The following ZNF667 variants were observed in gnomAD, a reference collection of about 807,000 sequenced individuals.
ZNF667 encodes zinc finger protein 667.
In ZNF667, 13 loss-of-function variants were observed where a neutral mutation model predicts 31.8. The observed-to-expected ratio is 0.41, with a 90% CI of 0.27 to 0.65. The LOEUF (loss-of-function observed/expected upper bound fraction) is 0.65. ZNF667 is among the 30% of genes least tolerant of loss of function. ZNF667 has a pLI of 0.32. For missense variants in ZNF667, 642 were observed against 725.6 expected (o/e 0.88, Z 1.32); for synonymous variants, 228 against 247.1 (o/e 0.92, Z 0.73).
intron 6 of ZNF667, chr19:56,449,158 C>T (rs1282933057): frequency 6.8e-6 from 2 of 293,090 alleles, no homozygotes; most frequent in Non-Finnish European, 1.4e-5. Context: ...ATCCTAGCCC[C>T]TTTGAATACA....
rs143410976 is a variant in ZNF667, at chr19:56,465,466, C to T, written c.-59-3037G>A. 2.4e-3 allele frequency among the ~76,000 whole-genome samples: 360 copies of T among 152,294 alleles called. 3 individuals carry two copies. The highest frequency in any genetic ancestry group is 8.1e-3 in the African/African-American group (335 of 41,558). Reference sequence around the variant, plus strand: ...GTAGGATGAAGTTGTAGTAAGAATACGAATACTAAGATGAATTATTAACAA... The same window carrying T: ...GTAGGATGAAGTTGTAGTAAGAATATGAATACTAAGATGAATTATTAACAA... On this transcript the variant is annotated intron_variant, in intron 3 of 6. Coordinates refer to ENST00000504904, the MANE Select transcript of ZNF667 (RefSeq NM_001321356.2).
At chr19:56,451,579 C>G (rs1568842915) in intron 6 of ZNF667, among the ~76,000 whole-genome samples, 1 of 151,486 alleles carries the variant, frequency 6.6e-6, no homozygotes, top group Non-Finnish European at 1.5e-5. Context: ...CTTAAAAATC[C>G]AAAAAAAAGC....
Position 56,441,577 on chromosome 19 carries a change from C to G in ZNF667, c.1418G>C (p.Cys473Ser), listed in dbSNP as rs762821482. 6.2e-7 allele frequency: 1 copy of G among 1,614,206 alleles called. No individual in the cohort carries two copies. Among genetic ancestry groups the G allele is most frequent in the East Asian group, 2.2e-5 (1 of 44,890 alleles). The change falls in exon 7 of 7, where the codon TGT (cysteine) becomes TCT (serine). Residue 473 changes from cysteine to serine, a missense_variant. Physicochemically the swap from Cys to Ser is moderately radical, Grantham distance 112. Coordinates refer to ENST00000504904, the MANE Select transcript of ZNF667 (RefSeq NM_001321356.2). This position sits in a 1 kb window ranked among gnomAD's most constrained non-coding sequence, Gnocchi z 4.2. ...RIHTGEKPYQ[C>S]EECGKAFSHR... ...GCTGAAGGCTTTTCCACATTCCTCA[C>G]ACTGGTAGGGTTTTTCTCCAGTATG...
intron 3 of ZNF667, among the ~76,000 whole-genome samples, chr19:56,470,656 C>A (rs899658238): frequency 2.0e-5 from 3 of 152,160 alleles, no homozygotes; most frequent in Non-Finnish European, 2.9e-5. Context: ...CGGAAAACAT[C>A]CCCATATGTA....
intron 4 of ZNF667, among the ~76,000 whole-genome samples, chr19:56,461,777 T>A (rs889400578): frequency 6.6e-6 from 1 of 152,240 alleles, no homozygotes; most frequent in African/African-American, 2.4e-5. Context: ...TCGTGGAGCA[T>A]GCTGACCACA....
At chr19:56,462,234 A>C (rs1204321986) in intron 4 of ZNF667, 104 bp downstream of exon 4, 1 of 1,425,848 alleles carries the variant, frequency 7.0e-7, no homozygotes, top group Non-Finnish European at 9.8e-7. Flanking sequence ...TAGGTGTTGG[A>C]TGGATCTCCA....
intron 2 of ZNF667, among the ~76,000 whole-genome samples, chr19:56,473,553 A>T (rs1190085329): frequency 6.6e-6 from 1 of 152,222 alleles, no homozygotes; most frequent in East Asian, 1.9e-4. Context: ...AACTGGGGGT[A>T]ATTTTGCCCC....
chr19:56,468,539 C>T (rs2043215828), intron 3 of ZNF667: 1 of 152,248 alleles, frequency 6.6e-6, no homozygotes, highest in Admixed American at 6.5e-5. Flanking sequence ...CTCCCAAAAA[C>T]ATATAAAACC....
At chr19:56,470,007 G>C in intron 3 of ZNF667, 1 of 462,724 alleles carries the variant, frequency 2.2e-6, no homozygotes, top group South Asian at 1.5e-5. Flanking sequence ...TTGCCTTCTG[G>C]CTTTATCTCT....
chr19:56,452,095 C>T (rs982439474), intron 6 of ZNF667, among the ~76,000 whole-genome samples: 1 of 149,606 alleles, frequency 6.7e-6, no homozygotes, highest in Admixed American at 6.7e-5. Flanking sequence ...GTTGTCCAGG[C>T]TGGAGTGCAA....
chr19:56,457,462 C>T (rs146397741), intron 6 of ZNF667, among the ~76,000 whole-genome samples: 5 of 152,196 alleles, frequency 3.3e-5, no homozygotes, highest in Non-Finnish European at 7.4e-5. Flanking sequence ...AGCTGGGTGA[C>T]CTTGGGCAAG....
chr19:56,440,750 C>A lies in ZNF667; in HGVS notation c.*412G>T. 3.9e-6 allele frequency: 2 copies of A among 512,198 alleles called. No individual in the cohort carries two copies. The highest frequency in any genetic ancestry group is 5.1e-6 in the Non-Finnish European group (2 of 389,336). The allele number at this position is 512,198 out of a possible 1,614,324, so 31.7% of individuals were successfully genotyped here. ...CTCCTGGGTTCAAGCGATTCTCCTGCCTCAGCCTCTCCAGTAGCTGAGATT... is the reference window on the plus strand; with the variant it reads ...CTCCTGGGTTCAAGCGATTCTCCTGACTCAGCCTCTCCAGTAGCTGAGATT... On this transcript the variant is annotated 3_prime_UTR_variant, in exon 7 of 7. Transcript: ENST00000504904.
In ZNF667 at chr19:56,442,271, T is replaced by G. The variant is rs2042623807; in HGVS notation, c.724A>C (p.Ile242Leu). Residue 242 changes from isoleucine (I) to leucine (L), a missense_variant, in exon 7 of 7, where the codon ATA becomes CTA. Physicochemically the swap from Ile to Leu is conservative, Grantham distance 5. Coordinates refer to ENST00000504904, the MANE Select transcript of ZNF667 (RefSeq NM_001321356.2). ...KALSQCQSFN[I>L]HQKIHVVGNV... Reference sequence around the variant, plus strand: ...CCAACAACATGAATTTTCTGATGTATATTGAAAGACTGACATTGACTCAAG... The same window carrying G: ...CCAACAACATGAATTTTCTGATGTAGATTGAAAGACTGACATTGACTCAAG... 1 of 1,614,042 alleles carries G rather than the reference T, an allele frequency of 6.2e-7. No homozygotes were observed. The highest frequency in any genetic ancestry group is 1.3e-5 in the African/African-American group (1 of 74,920).
intron 3 of ZNF667, chr19:56,469,864 A>G: frequency 2.2e-6 from 1 of 457,438 alleles, no homozygotes; most frequent in Non-Finnish European, 4.4e-6. Flanking sequence ...TGGCTTTGTA[A>G]TAAATATTAA....
chr19:56,463,544 T>C (rs942529433), intron 3 of ZNF667, among the ~76,000 whole-genome samples: 3 of 152,168 alleles, frequency 2.0e-5, no homozygotes, highest in Non-Finnish European at 4.4e-5. Flanking sequence ...TTTTTTTCTT[T>C]TGAGACAGGG....
intron 4 of ZNF667, among the ~76,000 whole-genome samples, chr19:56,461,037 T>C (rs2043034846): frequency 6.6e-6 from 1 of 152,240 alleles, no homozygotes; most frequent in South Asian, 2.1e-4. Context: ...TAAGAACACG[T>C]GGCAACCTGG....
rs1259447192 is a variant in ZNF667, at chr19:56,471,978, CAGTG to C, written c.-343_-340del. On this transcript the variant is annotated 5_prime_UTR_variant, in exon 3 of 7. An upstream open reading frame in the 5' UTR gains an earlier in-frame stop. Coordinates refer to ENST00000504904, the MANE Select transcript of ZNF667 (RefSeq NM_001321356.2). ...GGTTTCCCCCATGCTGTTCTCATGGCAGTGAGTAAGTCTCATGTGATCTGATGGT... is the reference window on the plus strand; with the variant it reads ...GGTTTCCCCCATGCTGTTCTCATGGCAGTAAGTCTCATGTGATCTGATGGT... The C allele has an allele frequency of 4.6e-5, 7 of 152,286 alleles. No individual in the cohort carries two copies. The highest frequency in any genetic ancestry group is 3.4e-3 in the Middle Eastern group (1 of 298). 9.4% of individuals were successfully genotyped at this position (152,286 alleles called of 1,614,324 possible).
At chr19:56,477,641 G>A (rs1037397777), upstream of ZNF667, 1 of 152,490 alleles carries the variant, frequency 6.6e-6, no homozygotes, top group African/African-American at 2.4e-5. Context: ...ATCCTCTCAG[G>A]AGATCACGTG....
At chr19:56,460,919 A>T in intron 4 of ZNF667, 104 bp from the exon 5 acceptor site, 1 of 1,241,742 alleles carries the variant, frequency 8.1e-7, no homozygotes, top group Non-Finnish European at 1.1e-6. Flanking sequence ...AGGTACCAAG[A>T]ATCATTCAGG....
Sources: allele counts gnomAD v4.1 joint callset (sites outside exome capture counted in the v4.1 genomes callset), GRCh38; gene constraint gnomAD v4.1.1; non-coding constraint Gnocchi (gnomAD v3.1); transcripts MANE v1.5; gene names NCBI Gene and HGNC (gene_info 2026-07-23, HGNC 2026-07-21).